RBM10: variants seen among roughly 807,000 people sequenced by gnomAD.
RBM10 encodes RNA-binding protein 10.
RBM10 carries 1 observed loss-of-function variant against 84.9 expected under a neutral mutation model. That is an observed-to-expected ratio of 0.01 (90% CI 0.00 to 0.06). RBM10 has a LOEUF of 0.06. RBM10 is among the 10% of genes least tolerant of loss of function. RBM10 has a pLI of 1.00. For missense variants in RBM10, 438 were observed against 839.0 expected (o/e 0.52, Z 5.90); for synonymous variants, 326 against 344.5 (o/e 0.95, Z 0.60).
intron 5 of RBM10, among the ~76,000 whole-genome samples, chrX:47,173,552 T>C (rs1193812831): frequency 8.9e-6 from 1 of 112,322 alleles, no homozygotes; most frequent in Non-Finnish European, 1.9e-5. Flanking sequence ...TTCTCCTTCC[T>C]CTGCCCCTCA....
intron 5 of RBM10, among the ~76,000 whole-genome samples, chrX:47,173,888 C>CCTCTCTCTCT (rs1934867897): frequency 1.1e-4 from 3 of 27,287 alleles, no homozygotes; most frequent in Non-Finnish European, 1.3e-4. Flanking sequence ...CCCACACCTC[C>CCTCTCTCTCT]ATCTCTCTCT....
chrX:47,163,736 A>G (rs1051788875), intron 2 of RBM10, among the ~76,000 whole-genome samples: 3 of 109,881 alleles, frequency 2.7e-5, no homozygotes, highest in Non-Finnish European at 5.7e-5. Context: ...TCTGCTGCCC[A>G]GGCTGGAGTG....
chrX:47,154,661 G>C (rs1229111496), intron 2 of RBM10, among the ~76,000 whole-genome samples: 2 of 109,067 alleles, frequency 1.8e-5, no homozygotes, highest in East Asian at 5.8e-4. Flanking sequence ...ATGTTTGCCA[G>C]ACTGGTCTCG....
At chrX:47,160,959 A>AT (rs782732106) in intron 2 of RBM10, among the ~76,000 whole-genome samples, 43 of 108,857 alleles carry the variant, frequency 4.0e-4, no homozygotes, top group African/African-American at 1.3e-3. Flanking sequence ...TATTTAATTA[A>AT]TTTTTTTTTT....
chrX:47,173,282 T>C, intron 5 of RBM10, 85 bp downstream of exon 5: 1 of 1,174,206 alleles, frequency 8.5e-7, no homozygotes, highest in Non-Finnish European at 1.1e-6. Flanking sequence ...TCTCCCCCAC[T>C]CCCTCCACCA....
At chrX:47,173,334 C>T in intron 5 of RBM10, 137 bp downstream of exon 5, 1 of 1,150,135 alleles carries the variant, frequency 8.7e-7, no homozygotes, top group Non-Finnish European at 1.2e-6. Context: ...GGGGGGTGCC[C>T]TCTCTTCTCT....
At chrX:47,154,839 G>C (rs1234813692) in intron 2 of RBM10, among the ~76,000 whole-genome samples, 1 of 109,918 alleles carries the variant, frequency 9.1e-6, no homozygotes, top group African/African-American at 3.3e-5. Context: ...TTCTTCTCTA[G>C]GCATTTACGG....
chrX:47,169,161 ACTT>A (rs1196284245), intron 2 of RBM10, among the ~76,000 whole-genome samples, 151 bp from the exon 3 acceptor site: 2 of 111,688 alleles, frequency 1.8e-5, no homozygotes, highest in Non-Finnish European at 3.8e-5. Flanking sequence ...GGTATCATGT[ACTT>A]CTTTCTCTGA....
In RBM10 at chrX:47,173,109, T is replaced by C; in HGVS notation, c.433-19T>C. On this transcript the variant is annotated intron_variant, in intron 4 of 23. Coordinates refer to ENST00000377604, the MANE Select transcript of RBM10 (RefSeq NM_005676.5). ...CCCCATTGTGCTGAGCCTGCCCTAC[T>C]CTGTATCTCCCCGTATAGATCCGTG... is the stretch of plus-strand genomic sequence containing the variant. 1 of 1,212,049 alleles carries C rather than the reference T, an allele frequency of 8.3e-7. No individual in the cohort carries two copies. The highest frequency in any genetic ancestry group is 1.1e-6 in the Non-Finnish European group (1 of 895,564).
At chrX:47,176,946 G>A (rs1556776556) in intron 7 of RBM10, among the ~76,000 whole-genome samples, 1 of 111,378 alleles carries the variant, frequency 9.0e-6, no homozygotes, top group African/African-American at 3.3e-5. Context: ...TGTGGAGAAT[G>A]TGGGCTTCAG....
At chrX:47,156,306 T>C (rs968473374) in intron 2 of RBM10, among the ~76,000 whole-genome samples, 2 of 111,788 alleles carry the variant, frequency 1.8e-5, no homozygotes, top group Admixed American at 9.6e-5. Flanking sequence ...TTTTTTCTTA[T>C]GTTTTCTAAT....
At chrX:47,156,359 A>G (rs1181239992) in intron 2 of RBM10, among the ~76,000 whole-genome samples, 1 of 110,889 alleles carries the variant, frequency 9.0e-6, no homozygotes, top group Non-Finnish European at 1.9e-5. Context: ...ATTATAGATT[A>G]AAGGATACAC....
intron 2 of RBM10, among the ~76,000 whole-genome samples, chrX:47,149,817 AT>A (rs1219884284): frequency 0.011 from 945 of 86,020 alleles, 4 homozygotes; most frequent in African/African-American, 0.017. Flanking sequence ...TGCTAGCATC[AT>A]TTTTTTTTTT....
chrX:47,173,462 G>A lies in RBM10; in HGVS notation c.502+265G>A, dbSNP rs189979341. Among the ~76,000 whole-genome samples, 1,077 of 112,358 alleles carry A rather than the reference G, an allele frequency of 9.6e-3. 15 individuals are homozygous for A. The highest frequency in any genetic ancestry group is 0.033 in the African/African-American group (1,018 of 30,980). On this transcript the variant is annotated intron_variant, in intron 5 of 23. Coordinates refer to ENST00000377604, the MANE Select transcript of RBM10 (RefSeq NM_005676.5). ...TCCCTGGGGTCAGGGCCAGGGCCAG[G>A]CTCCCAGGCACCTCCTCTCTGGGAC...
At chrX:47,164,491 C>T (rs2147115018) in intron 2 of RBM10, among the ~76,000 whole-genome samples, 1 of 103,736 alleles carries the variant, frequency 9.6e-6, no homozygotes, top group Admixed American at 1.1e-4. Flanking sequence ...CACTGCCCTC[C>T]AGCCTGGGTG....
chrX:47,166,318 T>G (rs1934196177), intron 2 of RBM10, among the ~76,000 whole-genome samples: 1 of 110,797 alleles, frequency 9.0e-6, no homozygotes, highest in Non-Finnish European at 1.9e-5. Flanking sequence ...GATGGGAAGA[T>G]TGCTTAAGCC....
chrX:47,156,908 TG>T (rs1177185664), intron 2 of RBM10: 9 of 206,169 alleles, frequency 4.4e-5, no homozygotes, highest in Non-Finnish European at 7.3e-5. Context: ...CTGCTGTGGC[TG>T]TGCTCTGGTC....
chrX:47,146,699 C>T (rs1206280122), intron 1 of RBM10, among the ~76,000 whole-genome samples: 1 of 111,191 alleles, frequency 9.0e-6, no homozygotes, highest in Non-Finnish European at 1.9e-5. Context: ...GAGGGAACCA[C>T]CTTAGGACCG....
chrX:47,173,895 C>G (rs1556774867), intron 5 of RBM10, among the ~76,000 whole-genome samples: 1 of 76,032 alleles, frequency 1.3e-5, no homozygotes, highest in African/African-American at 7.0e-5. Flanking sequence ...CTCCATCTCT[C>G]TCTCTCTCTC....
Sources: gnomAD v4.1 joint callset for allele counts (sites outside exome capture counted in the v4.1 genomes callset) on GRCh38, gnomAD v4.1.1 for gene constraint, MANE v1.5 for transcripts, NCBI Gene and HGNC (gene_info 2026-07-23, HGNC 2026-07-21) for gene names.